FAT3: variants seen among roughly 807,000 people sequenced by gnomAD.
FAT3 encodes the protein protocadherin Fat 3.
In FAT3, 95 loss-of-function variants were observed where a neutral mutation model predicts 310.2. That is an observed-to-expected ratio of 0.31 (90% CI 0.26 to 0.36). The LOEUF is 0.36. FAT3 is among the 10% of genes least tolerant of loss of function. FAT3 has a pLI of 1.00. For synonymous variants in FAT3, 2,314 were observed against 2,192.9 expected (o/e 1.06, Z -1.54); for missense variants, 5,408 against 5,715.6 (o/e 0.95, Z 1.74).
chr11:92,466,997 C>G (rs572092809), intron 2 of FAT3, among the ~76,000 whole-genome samples: 12 of 151,954 alleles, frequency 7.9e-5, no homozygotes, highest in East Asian at 3.9e-4. Context: ...GGACATTTGG[C>G]TTGGTTCCAA....
intron 1 of FAT3, among the ~76,000 whole-genome samples, chr11:92,284,127 G>A (rs796168649): frequency 1.6e-4 from 24 of 152,194 alleles, no homozygotes; most frequent in African/African-American, 5.5e-4. Context: ...AAAGCTAGGT[G>A]CAGAATAAAG....
intron 19 of FAT3, among the ~76,000 whole-genome samples, chr11:92,854,518 T>C (rs1488282003): frequency 6.6e-6 from 1 of 152,160 alleles, no homozygotes; most frequent in African/African-American, 2.4e-5. Context: ...ATCGCTACCA[T>C]CACTGTGCTA....
At chr11:92,783,912 C>T (rs531166450) in intron 7 of FAT3, among the ~76,000 whole-genome samples, 1 of 152,236 alleles carries the variant, frequency 6.6e-6, no homozygotes, top group Non-Finnish European at 1.5e-5. Flanking sequence ...AAAATAACCT[C>T]ATAATGAATG....
chr11:92,399,652 C>A (rs367665546), intron 2 of FAT3, among the ~76,000 whole-genome samples: 8 of 152,098 alleles, frequency 5.3e-5, no homozygotes, highest in East Asian at 1.9e-4. Flanking sequence ...TTTCCATGAC[C>A]CTTTATTCCA....
At chr11:92,245,004 G>T (rs570280160) in intron 1 of FAT3, among the ~76,000 whole-genome samples, 8 of 152,060 alleles carry the variant, frequency 5.3e-5, no homozygotes, top group East Asian at 3.9e-4. Flanking sequence ...TATACCCAAA[G>T]GATTATAAAT....
chr11:92,747,387 G>A (rs771969409), intron 4 of FAT3, among the ~76,000 whole-genome samples: 7 of 152,190 alleles, frequency 4.6e-5, no homozygotes, highest in Non-Finnish European at 8.8e-5. Context: ...TGGGATGCAG[G>A]GCACCATGTC....
intron 13 of FAT3, among the ~76,000 whole-genome samples, chr11:92,814,917 A>G (rs947103476): frequency 5.3e-5 from 8 of 152,206 alleles, no homozygotes; most frequent in African/African-American, 1.7e-4. Flanking sequence ...GGATTTCCAC[A>G]GTCAGGGGTA....
rs1375502192 is a variant in FAT3, at chr11:92,883,688, T to C, written c.12937+295T>C. 6.6e-6 allele frequency among the ~76,000 whole-genome samples: 1 copy of C among 152,042 alleles called. No individual in the cohort carries two copies. The highest frequency in any genetic ancestry group is 1.5e-5 in the Non-Finnish European group (1 of 68,002). ...TTCCAGGCTCCAAAACCCATCCTCTTCTCACAATAGCGGGCCACTGGTCAA... is the reference window on the plus strand; with the variant it reads ...TTCCAGGCTCCAAAACCCATCCTCTCCTCACAATAGCGGGCCACTGGTCAA... On this transcript the variant is annotated intron_variant, in intron 24 of 27. Coordinates refer to ENST00000525166, the MANE Select transcript of FAT3 (RefSeq NM_001367949.2). The surrounding 1 kb of genome is among the most constrained non-coding windows in gnomAD (Gnocchi z 4.2).
chr11:92,609,626 A>T (rs1054187123), intron 3 of FAT3, among the ~76,000 whole-genome samples: 2 of 152,244 alleles, frequency 1.3e-5, no homozygotes, highest in African/African-American at 4.8e-5. Flanking sequence ...GCTATTAAAA[A>T]TAACCTAAAG....
intron 17 of FAT3, 92 bp from the exon 18 acceptor site, chr11:92,840,470 A>T (rs1304552986): frequency 7.5e-6 from 9 of 1,193,674 alleles, no homozygotes; most frequent in Non-Finnish European, 1.0e-5. Flanking sequence ...GCCTGAAATG[A>T]TGGTATTTTT....
At chr11:92,836,526 A>T in intron 15 of FAT3, 40 bp from the exon 16 acceptor site, 1 of 1,604,434 alleles carries the variant, frequency 6.2e-7, no homozygotes, top group Non-Finnish European at 8.5e-7. Context: ...TTGCTGCCTT[A>T]TGTCATGTCT....
intron 1 of FAT3, among the ~76,000 whole-genome samples, chr11:92,273,042 A>G (rs1946170301): frequency 1.3e-5 from 2 of 152,108 alleles, no homozygotes; most frequent in Admixed American, 1.3e-4. Flanking sequence ...CTTGCTGGGC[A>G]TCCCCCATAC....
At position 92,349,149 on chromosome 11, in the gene FAT3, G is replaced by T. The variant is rs2134617047; in HGVS notation, c.-17-2947G>T. Among the ~76,000 whole-genome samples the T allele has an allele frequency of 2.0e-5, 3 of 152,286 alleles. No individual in the cohort carries two copies. The South Asian group carries it at 6.2e-4, about 32-fold the overall frequency. On this transcript the variant is annotated intron_variant, in intron 1 of 27. Transcript: ENST00000525166. ...ATCGGCAAAATTACTGTTACAGGAA[G>T]TCTTCTCAGCACAGGATAGTGAGTG...
intron 3 of FAT3, among the ~76,000 whole-genome samples, chr11:92,663,109 AAG>A (rs1474847662): frequency 2.6e-5 from 4 of 152,190 alleles, no homozygotes; most frequent in Non-Finnish European, 5.9e-5. Context: ...TTTTAGAACT[AAG>A]AGAGTTTGGG....
chr11:92,446,858 G>A lies in FAT3; in HGVS notation c.3293-77776G>A, dbSNP rs576260259. Among the ~76,000 whole-genome samples, 3 of 152,280 alleles carry A rather than the reference G, an allele frequency of 2.0e-5. No individual in the cohort carries two copies. In the East Asian group the frequency reaches 5.8e-4, roughly 29 times the overall value. ...TTTACACCAAGCAAAACTACTTTCT[G>A]TAGTTCCAGGTAGTTCTAGGTAGTC... On this transcript the variant is annotated intron_variant, in intron 2 of 27. Coordinates refer to ENST00000525166, the MANE Select transcript of FAT3 (RefSeq NM_001367949.2).
chr11:92,700,912 T>C (rs2676172), intron 4 of FAT3, among the ~76,000 whole-genome samples: 25,786 of 152,092 alleles, frequency 0.17, 2,479 homozygotes, highest in African/African-American at 0.26. Context: ...TTCTTTTTTT[T>C]CCCTAAATAG....
chr11:92,523,383 C>A (rs764548323), intron 2 of FAT3, among the ~76,000 whole-genome samples: 6 of 152,114 alleles, frequency 3.9e-5, no homozygotes, highest in Non-Finnish European at 5.9e-5. Flanking sequence ...AACATAGCAG[C>A]TGAAATTTCA....
intron 3 of FAT3, among the ~76,000 whole-genome samples, chr11:92,558,142 C>A (rs1955086646): frequency 6.6e-6 from 1 of 152,104 alleles, no homozygotes; most frequent in Admixed American, 6.6e-5. Flanking sequence ...GACTGTGATC[C>A]CCAGGAGAGC....
At chr11:92,771,045 C>A (rs758322621) in intron 6 of FAT3, among the ~76,000 whole-genome samples, 2 of 152,146 alleles carry the variant, frequency 1.3e-5, no homozygotes, top group Non-Finnish European at 2.9e-5. Flanking sequence ...CTGTTCACAA[C>A]CTCGCTTTTA....
Sources: gnomAD v4.1 joint callset for allele counts (sites outside exome capture counted in the v4.1 genomes callset) on GRCh38, gnomAD v4.1.1 for gene constraint, Gnocchi (gnomAD v3.1) non-coding constraint, MANE v1.5 for transcripts, NCBI Gene and HGNC (gene_info 2026-07-23, HGNC 2026-07-21) for gene names.